Variants in B3GALT1 observed in about 807,000 individuals in gnomAD.
B3GALT1 encodes the protein beta-1,3-galactosyltransferase 1.
B3GALT1 carries 10 observed loss-of-function variants against 23.2 expected under a neutral mutation model. That is an observed-to-expected ratio of 0.43 (90% CI 0.27 to 0.73). The LOEUF (loss-of-function observed/expected upper bound fraction) is 0.73. Among genes scored for constraint, B3GALT1 ranks in the 30% least tolerant of loss-of-function variants. The pLI, the probability that B3GALT1 is intolerant of heterozygous loss-of-function variation, is 0.21. For missense variants in B3GALT1, 299 were observed against 405.4 expected (o/e 0.74, Z 2.25); for synonymous variants, 156 against 141.5 (o/e 1.10, Z -0.73).
chr2:167,473,458 G>A (rs931051355), intron 1 of B3GALT1, among the ~76,000 whole-genome samples: 4 of 151,990 alleles, frequency 2.6e-5, no homozygotes, highest in African/African-American at 4.8e-5. Flanking sequence ...ACATGTTAAC[G>A]ATACAAAATA....
intron 2 of B3GALT1, among the ~76,000 whole-genome samples, chr2:167,583,754 A>G (rs996870342): frequency 5.3e-5 from 8 of 152,092 alleles, no homozygotes; most frequent in Non-Finnish European, 8.8e-5. Flanking sequence ...TTTTAATTTT[A>G]CAGTGTTTTT....
chr2:167,351,227 T>C (rs1191002084), intron 1 of B3GALT1, among the ~76,000 whole-genome samples: 2 of 143,968 alleles, frequency 1.4e-5, no homozygotes, highest in East Asian at 4.2e-4. Context: ...CGAGATCGCA[T>C]CACTGCACTC....
At chr2:167,750,774 C>T (rs1174153282) in intron 3 of B3GALT1, among the ~76,000 whole-genome samples, 1 of 148,018 alleles carries the variant, frequency 6.8e-6, no homozygotes, top group East Asian at 2.0e-4. Context: ...TCGCAGGTAA[C>T]ACTCAGGGAT....
At chr2:167,300,119 C>T (rs750532303) in intron 1 of B3GALT1, among the ~76,000 whole-genome samples, 1 of 152,010 alleles carries the variant, frequency 6.6e-6, no homozygotes, top group Non-Finnish European at 1.5e-5. Flanking sequence ...TGGCCAGGCT[C>T]ATCTTGAATT....
At chr2:167,526,616 GTA>G (rs1683224255) in intron 2 of B3GALT1, among the ~76,000 whole-genome samples, 1 of 152,202 alleles carries the variant, frequency 6.6e-6, no homozygotes, top group Non-Finnish European at 1.5e-5. Flanking sequence ...GTGTATGTGT[GTA>G]TATGCACACC....
intron 1 of B3GALT1, among the ~76,000 whole-genome samples, chr2:167,298,969 CAAAGAA>C (rs1278882044): frequency 6.6e-6 from 1 of 151,700 alleles, no homozygotes; most frequent in Non-Finnish European, 1.5e-5. Flanking sequence ...TCTTGGTTCT[CAAAGAA>C]AAGAAAAAAA....
chr2:167,705,067 A>G (rs1161814006), intron 3 of B3GALT1, among the ~76,000 whole-genome samples: 2 of 152,146 alleles, frequency 1.3e-5, no homozygotes, highest in South Asian at 2.1e-4. Flanking sequence ...TGGCTTGGCT[A>G]TGTGACCTGC....
chr2:167,405,210 T>C (rs1698255033), intron 1 of B3GALT1, among the ~76,000 whole-genome samples: 1 of 152,166 alleles, frequency 6.6e-6, no homozygotes, highest in Non-Finnish European at 1.5e-5. Flanking sequence ...ATTATTTAAG[T>C]ATCTATAAGT....
At chr2:167,695,863 C>T (rs1686783944) in intron 3 of B3GALT1, among the ~76,000 whole-genome samples, 1 of 152,068 alleles carries the variant, frequency 6.6e-6, no homozygotes, top group Non-Finnish European at 1.5e-5. Flanking sequence ...CGATGGCTAC[C>T]GTTGCTCCCA....
At chr2:167,665,887 A>G (rs941679843) in intron 3 of B3GALT1, among the ~76,000 whole-genome samples, 2 of 150,774 alleles carry the variant, frequency 1.3e-5, no homozygotes, top group Non-Finnish European at 1.5e-5. Flanking sequence ...TGGTCTATCA[A>G]TTTTGTTGAT....
chr2:167,796,649 TGA>T (rs202123231), intron 3 of B3GALT1, among the ~76,000 whole-genome samples: 4,077 of 152,188 alleles, frequency 0.027, 168 homozygotes, highest in African/African-American at 0.089. Flanking sequence ...TTCGGGAGGC[TGA>T]GAGGCACAAG....
intron 1 of B3GALT1, among the ~76,000 whole-genome samples, chr2:167,410,682 T>C (rs567077595): frequency 1.5e-4 from 23 of 152,130 alleles, no homozygotes; most frequent in Admixed American, 1.4e-3. Context: ...CAAACCACCA[T>C]GGCACATATA....
chr2:167,348,196 GTATATACTTTTTAAA>G (rs991811082), intron 1 of B3GALT1, among the ~76,000 whole-genome samples: 22 of 152,046 alleles, frequency 1.4e-4, no homozygotes, highest in African/African-American at 5.3e-4. Context: ...TATTAAAACA[GTATATACTTTTTAAA>G]TATGAAAATT....
intron 2 of B3GALT1, among the ~76,000 whole-genome samples, chr2:167,560,715 TTA>T (rs1316233553): frequency 6.6e-6 from 1 of 151,960 alleles, no homozygotes; most frequent in African/African-American, 2.4e-5. Flanking sequence ...AAGAAGGCCA[TTA>T]CATAATGGTA....
intron 4 of B3GALT1, among the ~76,000 whole-genome samples, chr2:167,852,881 C>T (rs545229739): frequency 1.3e-5 from 2 of 152,244 alleles, no homozygotes; most frequent in South Asian, 4.1e-4. Context: ...CTCAACAATG[C>T]TTCTTGCACT....
At chr2:167,294,426 T>G (rs1231102761) in intron 1 of B3GALT1, among the ~76,000 whole-genome samples, 1 of 152,256 alleles carries the variant, frequency 6.6e-6, no homozygotes, top group Non-Finnish European at 1.5e-5. Context: ...CCACCCGTGC[T>G]GCAAAGCCTT....
At chr2:167,447,738 C>T (rs1049819982) in intron 1 of B3GALT1, among the ~76,000 whole-genome samples, 19 of 152,114 alleles carry the variant, frequency 1.2e-4, no homozygotes, top group Non-Finnish European at 2.1e-4. Context: ...GGAAGTGACC[C>T]GATTTTCCAG....
At chr2:167,559,973 C>T (rs1157493905) in intron 2 of B3GALT1, among the ~76,000 whole-genome samples, 8 of 152,076 alleles carry the variant, frequency 5.3e-5, no homozygotes, top group Admixed American at 2.0e-4. Flanking sequence ...AGATACTCCT[C>T]GAGAAGAGCA....
intron 1 of B3GALT1, among the ~76,000 whole-genome samples, chr2:167,455,057 T>C (rs1397687100): frequency 1.3e-5 from 2 of 152,204 alleles, no homozygotes; most frequent in South Asian, 4.1e-4. Flanking sequence ...CTAACTTCAT[T>C]TGCAAGAATT....
Sources: gnomAD v4.1 joint callset for allele counts (sites outside exome capture counted in the v4.1 genomes callset) on GRCh38, gnomAD v4.1.1 for gene constraint, MANE v1.5 for transcripts, NCBI Gene and HGNC (gene_info 2026-07-23, HGNC 2026-07-21) for gene names.